The following CPNE5 variants were observed in gnomAD, a reference collection of about 807,000 sequenced individuals.
CPNE5 encodes the protein copine 5, also known as copine-5.
CPNE5 carries 42 observed loss-of-function variants against 81.1 expected under a neutral mutation model. The ratio of observed to expected loss-of-function variants is 0.52; its 90% CI spans 0.40 to 0.67. The LOEUF is 0.67. CPNE5 is among the 30% of genes least tolerant of loss of function. The pLI is 0.00. For missense variants in CPNE5, 612 were observed against 815.5 expected (o/e 0.75, Z 3.04); for synonymous variants, 313 against 321.5 (o/e 0.97, Z 0.28).
intron 12 of CPNE5, among the ~76,000 whole-genome samples, chr6:36,762,081 G>A (rs930566682): frequency 3.3e-5 from 5 of 152,020 alleles, no homozygotes; most frequent in Non-Finnish European, 5.9e-5. Context: ...GCGAGATCCT[G>A]TCTCTACAAG....
At chr6:36,763,142 G>A (rs1221954049) in intron 11 of CPNE5, 150 bp from the exon 12 acceptor site, 25 of 688,548 alleles carry the variant, frequency 3.6e-5, no homozygotes, top group African/African-American at 5.3e-5. Context: ...TGGGTCCGTG[G>A]GAAGAGAGCC....
At chr6:36,829,375 T>A (rs1184450038) in intron 1 of CPNE5, among the ~76,000 whole-genome samples, 1 of 152,016 alleles carries the variant, frequency 6.6e-6, no homozygotes, top group Non-Finnish European at 1.5e-5. Context: ...TGTGTATCTG[T>A]AGTCCCAGCT....
At chr6:36,777,762 C>T (rs900100219) in intron 9 of CPNE5, among the ~76,000 whole-genome samples, 39 of 17,458 alleles carry the variant, frequency 2.2e-3, no homozygotes, top group African/African-American at 5.4e-3. Context: ...TACCCCCCCC[C>T]CCACCACACA....
chr6:36,753,797 A>G (rs905168980), intron 13 of CPNE5, among the ~76,000 whole-genome samples: 2 of 152,250 alleles, frequency 1.3e-5, no homozygotes, highest in Admixed American at 1.3e-4. Context: ...GCTCATTATC[A>G]TAACAATTTA....
intron 3 of CPNE5, among the ~76,000 whole-genome samples, chr6:36,816,768 G>A (rs956495716): frequency 1.1e-4 from 17 of 152,082 alleles, no homozygotes; most frequent in African/African-American, 3.1e-4. Flanking sequence ...CCCCTCTCCC[G>A]TCCCCAGTAT....
At chr6:36,806,771 A>T (rs1770630968) in intron 3 of CPNE5, among the ~76,000 whole-genome samples, 1 of 152,238 alleles carries the variant, frequency 6.6e-6, no homozygotes, top group Non-Finnish European at 1.5e-5. Flanking sequence ...AGTGTATAAC[A>T]TTCATGTCAC....
chr6:36,821,431 G>A (rs755885479), intron 3 of CPNE5, among the ~76,000 whole-genome samples: 12 of 152,076 alleles, frequency 7.9e-5, no homozygotes, highest in Non-Finnish European at 1.5e-4. Context: ...CTGGCCGCGG[G>A]GTGAGGAATA....
chr6:36,814,136 C>T lies in CPNE5; in HGVS notation c.183+7978G>A, dbSNP rs139614522. On this transcript the variant is annotated intron_variant, in intron 3 of 20. Transcript: ENST00000244751. ...CTGTTATTCATGATGTCTTTAGGGA[C>T]CAGATGGGAAAATATAGCACATAGG... Among the ~76,000 whole-genome samples the T allele has an allele frequency of 5.1e-3, 771 of 152,230 alleles. 10 individuals carry two copies. The highest frequency in any genetic ancestry group is 0.018 in the African/African-American group (735 of 41,536).
intron 1 of CPNE5, among the ~76,000 whole-genome samples, chr6:36,835,667 G>A (rs1773429140): frequency 6.6e-6 from 1 of 152,114 alleles, no homozygotes; most frequent in Admixed American, 6.5e-5. Context: ...GTGGAGGCAG[G>A]CACCTGTAAT....
At chr6:36,819,588 A>G (rs147738750) in intron 3 of CPNE5, among the ~76,000 whole-genome samples, 3 of 152,276 alleles carry the variant, frequency 2.0e-5, no homozygotes, top group African/African-American at 7.2e-5. Flanking sequence ...TGGGTTACTG[A>G]AGTGTCACTC....
At chr6:36,789,043 G>A (rs546214130) in intron 8 of CPNE5, among the ~76,000 whole-genome samples, 9 of 152,330 alleles carry the variant, frequency 5.9e-5, no homozygotes, top group African/African-American at 2.2e-4. Flanking sequence ...TGAATGCTGA[G>A]CTGGAAAGAC....
chr6:36,836,176 T>C (rs1460293376), intron 1 of CPNE5, among the ~76,000 whole-genome samples: 1 of 152,172 alleles, frequency 6.6e-6, no homozygotes. Flanking sequence ...TTTGGGAGTA[T>C]AGTATACTCT....
At chr6:36,829,035 G>A (rs530557623) in intron 1 of CPNE5, among the ~76,000 whole-genome samples, 4 of 152,302 alleles carry the variant, frequency 2.6e-5, no homozygotes, top group South Asian at 2.1e-4. Context: ...AAAGGCCTGT[G>A]GAGAATGAAG....
At chr6:36,801,894 A>T (rs540732806) in intron 3 of CPNE5, among the ~76,000 whole-genome samples, 1 of 152,322 alleles carries the variant, frequency 6.6e-6, no homozygotes, top group Non-Finnish European at 1.5e-5. Context: ...ATGCAAATAC[A>T]TTTGTAACTC....
At chr6:36,761,805 G>A (rs571250609) in intron 12 of CPNE5, among the ~76,000 whole-genome samples, 5 of 152,160 alleles carry the variant, frequency 3.3e-5, no homozygotes, top group African/African-American at 9.7e-5. Context: ...CAGTTATTTG[G>A]GTTATAAGTA....
intron 9 of CPNE5, among the ~76,000 whole-genome samples, chr6:36,775,363 A>C (rs1377474732): frequency 6.6e-6 from 1 of 152,164 alleles, no homozygotes; most frequent in Non-Finnish European, 1.5e-5. Flanking sequence ...TCACCGTGTG[A>C]CCTTGAGCAA....
chr6:36,776,546 GACA>G (rs1484016551), intron 9 of CPNE5, among the ~76,000 whole-genome samples: 1 of 152,120 alleles, frequency 6.6e-6, no homozygotes, highest in Non-Finnish European at 1.5e-5. Context: ...GAGCTGGAGG[GACA>G]ACAAGGAGTA....
chr6:36,802,762 C>G (rs1355019338), intron 3 of CPNE5, among the ~76,000 whole-genome samples: 1 of 151,968 alleles, frequency 6.6e-6, no homozygotes, highest in Non-Finnish European at 1.5e-5. Context: ...TAGAAACTTC[C>G]AAAGGGGTTG....
chr6:36,825,593 C>T (rs765443089), intron 1 of CPNE5, among the ~76,000 whole-genome samples: 1 of 152,222 alleles, frequency 6.6e-6, no homozygotes, highest in Non-Finnish European at 1.5e-5. Context: ...CCCAGCCCTC[C>T]ACAGAGAGCA....
Sources: gnomAD v4.1 joint callset for allele counts (sites outside exome capture counted in the v4.1 genomes callset) on GRCh38, gnomAD v4.1.1 for gene constraint, MANE v1.5 for transcripts, NCBI Gene and HGNC (gene_info 2026-07-23, HGNC 2026-07-21) for gene names.